The following MAPKAP1 variants were observed in gnomAD, a reference collection of about 807,000 sequenced individuals.
MAPKAP1 encodes MAPK associated protein 1.
A neutral mutation model predicts 65.7 loss-of-function variants in MAPKAP1; 20 were observed. The observed-to-expected ratio is 0.30, with a 90% CI of 0.21 to 0.44. The LOEUF (loss-of-function observed/expected upper bound fraction) is 0.44. Ranked by LOEUF, MAPKAP1 falls within the 20% of genes least tolerant of loss-of-function variation. MAPKAP1 has a pLI of 1.00. For synonymous variants in MAPKAP1, 222 were observed against 244.3 expected (o/e 0.91, Z 0.85); for missense variants, 423 against 648.0 (o/e 0.65, Z 3.77).
chr9:125,658,611 A>G (rs73593562), intron 3 of MAPKAP1, among the ~76,000 whole-genome samples: 5 of 152,354 alleles, frequency 3.3e-5, no homozygotes, highest in African/African-American at 9.6e-5. Flanking sequence ...CAAGGTAGAC[A>G]CTGAATAAAT....
intron 1 of MAPKAP1, among the ~76,000 whole-genome samples, chr9:125,685,028 T>G (rs774862185): frequency 6.6e-6 from 1 of 152,176 alleles, no homozygotes; most frequent in Non-Finnish European, 1.5e-5. Context: ...ACCAAATAAT[T>G]AACCCAGCAC....
chr9:125,564,796 CACAGTAGCAGGGCAG>C (rs1185761650), intron 5 of MAPKAP1, among the ~76,000 whole-genome samples: 55 of 152,294 alleles, frequency 3.6e-4, no homozygotes, highest in Non-Finnish European at 5.0e-4. Flanking sequence ...TTAACTATCT[CACAGTAGCAGGGCAG>C]ACAGTAGCAT....
chr9:125,466,122 G>A (rs1853662677), intron 10 of MAPKAP1, among the ~76,000 whole-genome samples: 1 of 152,210 alleles, frequency 6.6e-6, no homozygotes, highest in African/African-American at 2.4e-5. Flanking sequence ...GCTCACGTCT[G>A]TAATCCTAGT....
At chr9:125,466,358 A>G (rs1455066054) in intron 10 of MAPKAP1, among the ~76,000 whole-genome samples, 1 of 152,136 alleles carries the variant, frequency 6.6e-6, no homozygotes, top group Non-Finnish European at 1.5e-5. Context: ...GGGGACAGGG[A>G]CTTAGGCAGT....
chr9:125,684,810 T>C (rs1186764708), intron 1 of MAPKAP1, among the ~76,000 whole-genome samples: 1 of 152,114 alleles, frequency 6.6e-6, no homozygotes, highest in Non-Finnish European at 1.5e-5. Flanking sequence ...GCCTCTCAGG[T>C]AGCTGGGACT....
At position 125,707,124 on chromosome 9, in the gene MAPKAP1, C is replaced by T; in HGVS notation, c.-223G>A. ...CTCCTCCCGGCCCGCTCAGCTGCCGCTTCCCGGGTTAGCCCTCATGCCCCT... is the reference window on the plus strand; with the variant it reads ...CTCCTCCCGGCCCGCTCAGCTGCCGTTTCCCGGGTTAGCCCTCATGCCCCT... On this transcript the variant is annotated 5_prime_UTR_variant, in exon 1 of 12. Transcript: ENST00000265960. 1 of 398,356 alleles carries T rather than the reference C, an allele frequency of 2.5e-6. No homozygotes were observed. The highest frequency in any genetic ancestry group is 4.4e-6 in the Non-Finnish European group (1 of 225,860). 24.7% of individuals were successfully genotyped at this position (398,356 alleles called of 1,614,324 possible). A position where few individuals can be genotyped will look rare whatever the true frequency, so the allele number is the denominator to read the frequency against.
At chr9:125,682,284 T>C (rs1039137781) in intron 1 of MAPKAP1, among the ~76,000 whole-genome samples, 1 of 152,158 alleles carries the variant, frequency 6.6e-6, no homozygotes, top group African/African-American at 2.4e-5. Flanking sequence ...ACTTTATCAA[T>C]GGACAACTCA....
intron 3 of MAPKAP1, among the ~76,000 whole-genome samples, chr9:125,665,576 C>T (rs977256628): frequency 1.3e-5 from 2 of 151,878 alleles, no homozygotes; most frequent in Admixed American, 6.6e-5. Context: ...TGACTCTTTT[C>T]GGACTCAGCC....
intron 6 of MAPKAP1, among the ~76,000 whole-genome samples, chr9:125,554,332 C>T (rs909201311): frequency 7.2e-5 from 11 of 152,196 alleles, no homozygotes; most frequent in African/African-American, 2.4e-4. Flanking sequence ...GACCAAGCAA[C>T]AGATAAAGTA....
chr9:125,442,205 T>C (rs2132919915), intron 11 of MAPKAP1, among the ~76,000 whole-genome samples: 1 of 151,572 alleles, frequency 6.6e-6, no homozygotes, highest in South Asian at 2.1e-4. Flanking sequence ...TCATGATCAT[T>C]AGCTCTAAGT....
intron 4 of MAPKAP1, among the ~76,000 whole-genome samples, chr9:125,629,281 C>T (rs117650135): frequency 0.02 from 3,113 of 152,284 alleles, 49 homozygotes; most frequent in Middle Eastern, 0.041. Flanking sequence ...GATATTTGTA[C>T]TGAAAAGAGA....
intron 7 of MAPKAP1, among the ~76,000 whole-genome samples, chr9:125,530,153 G>GT (rs1386816158): frequency 2.0e-5 from 3 of 152,186 alleles, no homozygotes; most frequent in South Asian, 2.1e-4. Flanking sequence ...TAAAGCAAGG[G>GT]TTTTTTCATA....
At chr9:125,617,874 C>T (rs1393497505) in intron 4 of MAPKAP1, among the ~76,000 whole-genome samples, 1 of 152,152 alleles carries the variant, frequency 6.6e-6, no homozygotes. Context: ...TATTCTTCCT[C>T]CCAAAACGGG....
intron 10 of MAPKAP1, among the ~76,000 whole-genome samples, chr9:125,459,087 C>T (rs1378968644): frequency 1.4e-5 from 2 of 141,684 alleles, no homozygotes; most frequent in African/African-American, 5.3e-5. Context: ...AGGGTCTCCT[C>T]ACTTCTCAGA....
chr9:125,670,334 T>C (rs1425299313), intron 2 of MAPKAP1, among the ~76,000 whole-genome samples: 2 of 152,134 alleles, frequency 1.3e-5, no homozygotes, highest in Non-Finnish European at 2.9e-5. Flanking sequence ...ATAAATGAAC[T>C]CAGACTAGAC....
chr9:125,505,774 A>T (rs1361356078), intron 8 of MAPKAP1, among the ~76,000 whole-genome samples: 1 of 152,264 alleles, frequency 6.6e-6, no homozygotes, highest in Non-Finnish European at 1.5e-5. Context: ...GCAGTTTCAC[A>T]CATCACTTGC....
intron 4 of MAPKAP1, chr9:125,652,201 T>A (rs1833913512): frequency 2.3e-6 from 3 of 1,318,914 alleles, no homozygotes; most frequent in Non-Finnish European, 3.0e-6. Context: ...AGCTATTTAA[T>A]GCCAATGATT....
chr9:125,625,431 C>G (rs2131672132), intron 4 of MAPKAP1, among the ~76,000 whole-genome samples: 1 of 151,896 alleles, frequency 6.6e-6, no homozygotes, highest in East Asian at 1.9e-4. Context: ...AAAAACAAAA[C>G]AAAACAAACC....
At chr9:125,590,091 TTC>T (rs1184354694) in intron 4 of MAPKAP1, among the ~76,000 whole-genome samples, 5 of 152,324 alleles carry the variant, frequency 3.3e-5, no homozygotes, top group Admixed American at 1.3e-4. Context: ...CTCTTTTTAT[TTC>T]TGTTTATTCC....
Sources: gnomAD v4.1 joint callset for allele counts (sites outside exome capture counted in the v4.1 genomes callset) on GRCh38, gnomAD v4.1.1 for gene constraint, MANE v1.5 for transcripts, NCBI Gene and HGNC (gene_info 2026-07-23, HGNC 2026-07-21) for gene names.